The following MYO16 variants were observed in gnomAD, a reference collection of about 807,000 sequenced individuals.
MYO16 encodes the protein unconventional myosin-XVI.
MYO16 carries 94 observed loss-of-function variants against 205.3 expected under a neutral mutation model. The observed-to-expected ratio is 0.46, with a 90% CI of 0.39 to 0.54. The LOEUF is 0.54. MYO16 is among the 20% of genes least tolerant of loss of function. MYO16 has a pLI of 0.00. For synonymous variants in MYO16, 988 were observed against 954.0 expected (o/e 1.04, Z -0.66); for missense variants, 2,315 against 2,387.5 (o/e 0.97, Z 0.63).
chr13:109,206,970 C>A lies in MYO16; in HGVS notation c.*134C>A. On this transcript the variant is annotated 3_prime_UTR_variant, in exon 35 of 35. Coordinates refer to ENST00000457511, the MANE Select transcript of MYO16 (RefSeq NM_001198950.3). Reference sequence around the variant, plus strand: ...ACAAAAAAAGCACAGGACACAGACACTAAATATATGAGATCCCGTGTGTGT... The same window carrying A: ...ACAAAAAAAGCACAGGACACAGACAATAAATATATGAGATCCCGTGTGTGT... 1.4e-6 allele frequency: 1 copy of A among 690,756 alleles called. No individual in the cohort carries two copies. 42.8% of individuals were successfully genotyped at this position (690,756 alleles called of 1,614,324 possible).
intron 2 of MYO16, among the ~76,000 whole-genome samples, chr13:108,678,036 T>C (rs147730417): frequency 1.3e-5 from 2 of 152,336 alleles, no homozygotes; most frequent in African/African-American, 4.8e-5. Flanking sequence ...AAACAATCTG[T>C]AGATGATCAC....
intron 1 of MYO16, among the ~76,000 whole-genome samples, chr13:108,635,507 ATT>A (rs72321840): frequency 2.7e-4 from 39 of 143,656 alleles, no homozygotes; most frequent in Middle Eastern, 3.6e-3. Context: ...TTACCTATTT[ATT>A]TTTTTTTTTT....
chr13:108,978,184 T>C (rs1373512326), intron 20 of MYO16, among the ~76,000 whole-genome samples: 1 of 152,100 alleles, frequency 6.6e-6, no homozygotes, highest in Non-Finnish European at 1.5e-5. Flanking sequence ...TTATTAGTTC[T>C]AATAAATTTC....
At chr13:108,703,960 G>C (rs895241811) in intron 2 of MYO16, among the ~76,000 whole-genome samples, 2 of 152,140 alleles carry the variant, frequency 1.3e-5, no homozygotes, top group East Asian at 3.9e-4. Context: ...GGTGTTTTAA[G>C]AAGAACAAGT....
the MYO16 span, among the ~76,000 whole-genome samples, chr13:108,573,507 T>A: frequency 7.9e-5 from 12 of 152,200 alleles, no homozygotes; most frequent in Non-Finnish European, 1.8e-4. Context: ...AACTGAATTA[T>A]TCACTGCATA....
intron 4 of MYO16, among the ~76,000 whole-genome samples, chr13:108,784,870 ATT>A (rs1886410585): frequency 6.6e-6 from 1 of 152,258 alleles, no homozygotes; most frequent in East Asian, 1.9e-4. Flanking sequence ...TATGGAGCTC[ATT>A]AGGGAATGTG....
the MYO16 span, among the ~76,000 whole-genome samples, chr13:108,521,537 A>AT: frequency 6.6e-6 from 1 of 152,208 alleles, no homozygotes; most frequent in African/African-American, 2.4e-5. Flanking sequence ...GATCTCAAAC[A>AT]TAATTGCCTG....
chr13:108,598,322 CAG>C (rs1878637126), intron 1 of MYO16, among the ~76,000 whole-genome samples: 2 of 81,116 alleles, frequency 2.5e-5, no homozygotes, highest in Non-Finnish European at 5.1e-5. Flanking sequence ...GAGAGAGAGA[CAG>C]ACAGACAGAC....
At chr13:108,709,143 T>C (rs1356753956) in intron 2 of MYO16, among the ~76,000 whole-genome samples, 1 of 152,194 alleles carries the variant, frequency 6.6e-6, no homozygotes, top group Non-Finnish European at 1.5e-5. Flanking sequence ...CCCAGATGGC[T>C]GTTTTCCTTA....
Position 108,897,954 on chromosome 13 carries a change from T to TA in MYO16, c.1660-61dup, listed in dbSNP as rs1282744536. The TA allele has an allele frequency of 8.0e-6, 10 of 1,254,120 alleles. No individual in the cohort carries two copies. In the African/African-American group the frequency reaches 1.5e-4, roughly 19 times the overall value. The allele number at this position is 1,254,120 out of a possible 1,614,324, so 77.7% of individuals were successfully genotyped here. On this transcript the variant is annotated intron_variant, in intron 14 of 34. Coordinates refer to ENST00000457511, the MANE Select transcript of MYO16 (RefSeq NM_001198950.3). ...GTATTATTCACTGCATCGTCGCTAT[T>TA]ACTCATCAATTTTATTTCTTAAAAT...
At chr13:108,636,996 G>A (rs978732437) in intron 1 of MYO16, among the ~76,000 whole-genome samples, 1 of 152,174 alleles carries the variant, frequency 6.6e-6, no homozygotes, top group African/African-American at 2.4e-5. Flanking sequence ...CATCAAATAT[G>A]CTGCTAAGGG....
intron 4 of MYO16, among the ~76,000 whole-genome samples, chr13:108,767,081 GTTTT>G (rs1487947135): frequency 1.3e-5 from 2 of 150,048 alleles, no homozygotes; most frequent in Non-Finnish European, 3.0e-5. Context: ...TTGTATCTGG[GTTTT>G]TGTTTGTTTG....
At chr13:108,962,935 A>T (rs1883644072) in intron 19 of MYO16, among the ~76,000 whole-genome samples, 2 of 152,256 alleles carry the variant, frequency 1.3e-5, no homozygotes, top group Non-Finnish European at 2.9e-5. Context: ...ATTCTCACAG[A>T]TTGCTCTGAT....
At chr13:109,172,882 G>GTAAT (rs759330751) in intron 33 of MYO16, among the ~76,000 whole-genome samples, 3 of 152,224 alleles carry the variant, frequency 2.0e-5, no homozygotes, top group Non-Finnish European at 4.4e-5. Flanking sequence ...CATGGAGGCT[G>GTAAT]TAATAGTAGA....
chr13:108,761,048 G>A, intron 4 of MYO16, among the ~76,000 whole-genome samples: 1 of 152,144 alleles, frequency 6.6e-6, no homozygotes, highest in Non-Finnish European at 1.5e-5. Flanking sequence ...GTGCACGTGT[G>A]CACACATGCA....
chr13:109,085,475 G>A (rs1024641734), intron 27 of MYO16, among the ~76,000 whole-genome samples: 25 of 152,154 alleles, frequency 1.6e-4, no homozygotes, highest in Admixed American at 1.0e-3. Flanking sequence ...GAATGGGAGC[G>A]AATGACTGGG....
At chr13:108,849,659 G>T (rs866242088) in intron 10 of MYO16, among the ~76,000 whole-genome samples, 4 of 113,492 alleles carry the variant, frequency 3.5e-5, no homozygotes, top group African/African-American at 1.3e-4. Context: ...GTGTGTGTGT[G>T]TGTGTGTAAC....
In MYO16 at chr13:109,094,903, TGGGCATTTG is replaced by T. The variant is rs563066633; in HGVS notation, c.3336-5879_3336-5871del. On this transcript the variant is annotated intron_variant, in intron 27 of 34. Transcript: ENST00000457511. ...TTTTCTTTATTCAGACTATCACTGA[TGGGCATTTG>T]GGTTGGTTCCAAGATTGCTTTTTAA... Among the ~76,000 whole-genome samples the T allele has an allele frequency of 8.7e-4, 131 of 151,020 alleles. 1 individual carries two copies. The highest frequency in any genetic ancestry group is 3.0e-3 in the African/African-American group (122 of 40,956).
chr13:108,926,054 G>A (rs529238934), intron 16 of MYO16, among the ~76,000 whole-genome samples: 5 of 152,286 alleles, frequency 3.3e-5, no homozygotes, highest in East Asian at 1.9e-4. Flanking sequence ...ACTCAGAGCC[G>A]CGTGCTCCAT....
Sources: allele counts gnomAD v4.1 joint callset (sites outside exome capture counted in the v4.1 genomes callset), GRCh38; gene constraint gnomAD v4.1.1; transcripts MANE v1.5; gene names NCBI Gene and HGNC (gene_info 2026-07-23, HGNC 2026-07-21).